Variants in KIAA0232 observed in about 807,000 individuals in gnomAD.
KIAA0232 encodes uncharacterized protein KIAA0232.
In KIAA0232, 27 loss-of-function variants were observed where a neutral mutation model predicts 122.0. The observed-to-expected ratio is 0.22, with a 90% confidence interval of 0.16 to 0.31. The LOEUF is 0.31. Ranked by LOEUF, KIAA0232 falls within the 10% of genes least tolerant of loss-of-function variation. KIAA0232 has a pLI of 1.00. For missense variants in KIAA0232, 1,551 were observed against 1,634.2 expected (o/e 0.95, Z 0.88); for synonymous variants, 613 against 587.6 (o/e 1.04, Z -0.63).
chr4:6,876,633 T>C, intron 8 of KIAA0232, 27 bp from the exon 9 acceptor site: 1 of 1,436,556 alleles, frequency 7.0e-7, no homozygotes, highest in Non-Finnish European at 9.8e-7. Context: ...TTTCCCTCTT[T>C]TCCCTTCTCC....
intron 3 of KIAA0232, among the ~76,000 whole-genome samples, chr4:6,839,398 G>T (rs528717920): frequency 1.3e-5 from 2 of 152,274 alleles, no homozygotes; most frequent in South Asian, 2.1e-4. Flanking sequence ...AACACTTTTT[G>T]TGTGTGTAAA....
chr4:6,823,549 A>C (rs1457104253), intron 2 of KIAA0232, among the ~76,000 whole-genome samples: 1 of 152,248 alleles, frequency 6.6e-6, no homozygotes, highest in African/African-American at 2.4e-5. Flanking sequence ...TTCGAGCCTT[A>C]CAAAGTAATT....
At chr4:6,837,919 G>A (rs961434463) in intron 3 of KIAA0232, among the ~76,000 whole-genome samples, 5 of 151,972 alleles carry the variant, frequency 3.3e-5, no homozygotes, top group Non-Finnish European at 7.4e-5. Flanking sequence ...GGGAGAGGGG[G>A]AGGGGGAGGG....
At chr4:6,823,865 G>C (rs780404548) in intron 2 of KIAA0232, among the ~76,000 whole-genome samples, 11 of 152,090 alleles carry the variant, frequency 7.2e-5, no homozygotes, top group Non-Finnish European at 1.3e-4. Flanking sequence ...TAAAGACAAT[G>C]TCTCAATATG....
At chr4:6,837,435 C>T (rs1487379329) in intron 3 of KIAA0232, among the ~76,000 whole-genome samples, 1 of 150,374 alleles carries the variant, frequency 6.7e-6, no homozygotes, top group African/African-American at 2.5e-5. Context: ...CCAGGCTGGG[C>T]GGCCGGGCAG....
intron 8 of KIAA0232, among the ~76,000 whole-genome samples, chr4:6,875,841 A>G (rs2108845282): frequency 6.6e-6 from 1 of 152,268 alleles, no homozygotes; most frequent in Admixed American, 6.5e-5. Context: ...CATGGAGGTA[A>G]GGGGAGTAAG....
chr4:6,851,655 A>G (rs1577398613), intron 4 of KIAA0232, among the ~76,000 whole-genome samples: 2 of 143,150 alleles, frequency 1.4e-5, no homozygotes, highest in East Asian at 4.7e-4. Context: ...GGTCAAGGAT[A>G]TGGTGAGCTG....
intron 7 of KIAA0232, among the ~76,000 whole-genome samples, chr4:6,865,339 G>A (rs544002613): frequency 6.6e-6 from 1 of 152,128 alleles, no homozygotes; most frequent in East Asian, 1.9e-4. Flanking sequence ...TCGCTCTGTC[G>A]CCCAGGCTTG....
intron 1 of KIAA0232, among the ~76,000 whole-genome samples, chr4:6,791,571 C>G (rs373148125): frequency 1.3e-5 from 2 of 152,058 alleles, no homozygotes; most frequent in African/African-American, 4.8e-5. Flanking sequence ...TCAAGCGATG[C>G]TCCTGCCTCT....
chr4:6,821,951 A>G (rs1718445485), intron 2 of KIAA0232, among the ~76,000 whole-genome samples: 1 of 152,102 alleles, frequency 6.6e-6, no homozygotes, highest in Non-Finnish European at 1.5e-5. Flanking sequence ...TCCAGCAAGA[A>G]AACTGAGGTC....
At chr4:6,797,903 C>T (rs1321900331) in intron 1 of KIAA0232, among the ~76,000 whole-genome samples, 1 of 150,934 alleles carries the variant, frequency 6.6e-6, no homozygotes, top group African/African-American at 2.4e-5. Flanking sequence ...ACTAAAAATA[C>T]AAAAAATAGC....
chr4:6,840,751 C>G (rs150731423), intron 3 of KIAA0232, among the ~76,000 whole-genome samples: 157 of 150,866 alleles, frequency 1.0e-3, no homozygotes, highest in African/African-American at 3.4e-3. Context: ...CACTCCTAAC[C>G]TCGTGATCCA....
chr4:6,795,584 G>C, intron 1 of KIAA0232, among the ~76,000 whole-genome samples: 1 of 151,844 alleles, frequency 6.6e-6, no homozygotes, highest in Non-Finnish European at 1.5e-5. Flanking sequence ...TTTTAATATG[G>C]CTACTAGAAA....
rs1164443052 is a variant in KIAA0232, at chr4:6,824,213, A to C, written c.-241A>C. 1 of 545,704 alleles carries C rather than the reference A, an allele frequency of 1.8e-6. No homozygotes were observed. 33.8% of individuals were successfully genotyped at this position (545,704 alleles called of 1,614,324 possible). A position where few individuals can be genotyped will look rare whatever the true frequency, so the allele number is the denominator to read the frequency against. ...CTGCCGGAGACTTCCATTTGGCCTCAATGTGAAATTAAAGTAGAAAATCAC... is the reference window on the plus strand; with the variant it reads ...CTGCCGGAGACTTCCATTTGGCCTCCATGTGAAATTAAAGTAGAAAATCAC... On this transcript the variant is annotated 5_prime_UTR_variant, in exon 3 of 10. Transcript: ENST00000307659.
chr4:6,873,981 A>G (rs1313806917), intron 8 of KIAA0232, among the ~76,000 whole-genome samples: 1 of 152,216 alleles, frequency 6.6e-6, no homozygotes, highest in Non-Finnish European at 1.5e-5. Context: ...CATCACAAGC[A>G]GTTGCTGCTC....
chr4:6,796,728 A>G (rs1234591406), intron 1 of KIAA0232, among the ~76,000 whole-genome samples: 1 of 152,218 alleles, frequency 6.6e-6, no homozygotes. Flanking sequence ...TTCAGCTTGT[A>G]ATCTTCACTT....
rs1577430315 is a variant in KIAA0232, at chr4:6,883,588, C to T, written c.*2622C>T. On this transcript the variant is annotated 3_prime_UTR_variant, in exon 10 of 10. Coordinates refer to ENST00000307659, the MANE Select transcript of KIAA0232 (RefSeq NM_014743.3). Reference sequence around the variant, plus strand: ...AGAAATCAGCGGCTCCTCCCCATCTCACCCCCAGCACACGCAGGGACTACT... The same window carrying T: ...AGAAATCAGCGGCTCCTCCCCATCTTACCCCCAGCACACGCAGGGACTACT... 6.6e-6 allele frequency: 1 copy of T among 152,228 alleles called. No individual in the cohort carries two copies. Among genetic ancestry groups the T allele is most frequent in the Non-Finnish European group, 1.5e-5 (1 of 68,030 alleles). 9.4% of individuals were successfully genotyped at this position (152,228 alleles called of 1,614,324 possible).
In KIAA0232 at chr4:6,861,537, C is replaced by G. The variant is rs1489403420; in HGVS notation, c.1155C>G (p.Asp385Glu). ...RKDPGSTEGK[D>E]LYMENRKDTE... ...ATCCTGGGAGCACTGAAGGAAAAGA[C>G]CTGTACATGGAGAATAGAAAGGACA... The change falls in exon 7 of 10, where the codon GAC (aspartate) becomes GAG (glutamate). Residue 385 changes from aspartate to glutamate, a missense_variant. Transcript: ENST00000307659. 2 of 1,613,984 alleles carry G rather than the reference C, an allele frequency of 1.2e-6. No individual in the cohort carries two copies. Among genetic ancestry groups the G allele is most frequent in the South Asian group, 2.2e-5 (2 of 91,064 alleles).
intron 1 of KIAA0232, among the ~76,000 whole-genome samples, chr4:6,795,294 G>A (rs1026627487): frequency 6.6e-5 from 10 of 152,054 alleles, no homozygotes; most frequent in Non-Finnish European, 1.0e-4. Context: ...GGATGATCTC[G>A]ATCTCCTGAC....
Sources: allele counts gnomAD v4.1 joint callset (sites outside exome capture counted in the v4.1 genomes callset), GRCh38; gene constraint gnomAD v4.1.1; transcripts MANE v1.5; gene names NCBI Gene and HGNC (gene_info 2026-07-23, HGNC 2026-07-21).